The following MCTP2 variants were observed in gnomAD, a reference collection of about 807,000 sequenced individuals.
The protein encoded by MCTP2 is multiple C2 and transmembrane domain containing 2, also known as multiple C2 and transmembrane domain-containing protein 2.
MCTP2 carries 132 observed loss-of-function variants against 111.6 expected under a neutral mutation model. The observed-to-expected ratio is 1.18, with a 90% CI of 1.03 to 1.37. The LOEUF is 1.37. MCTP2 is among the 40% of genes most tolerant of loss of function. MCTP2 has a pLI of 0.00. For missense variants in MCTP2, 1,183 were observed against 1,067.9 expected (o/e 1.11, Z -1.50); for synonymous variants, 395 against 387.7 (o/e 1.02, Z -0.22).
intron 21 of MCTP2, among the ~76,000 whole-genome samples, chr15:94,476,105 GAGGA>G (rs1328191883): frequency 6.6e-6 from 1 of 152,192 alleles, no homozygotes; most frequent in African/African-American, 2.4e-5. Flanking sequence ...TCTGCTGTGA[GAGGA>G]GAGAAACCTG....
chr15:94,465,046 A>G (rs1438797344), intron 20 of MCTP2, among the ~76,000 whole-genome samples: 1 of 152,004 alleles, frequency 6.6e-6, no homozygotes, highest in Non-Finnish European at 1.5e-5. Context: ...GATGTGTTTA[A>G]ACTTCACTGT....
Position 94,298,740 on chromosome 15 carries a change from G to A in MCTP2, c.465+10G>A. On this transcript the variant is annotated intron_variant, in intron 2 of 22. Transcript: ENST00000357742. Reference sequence around the variant, plus strand: ...ACCAGAAGAGCCAGAGGTGAGAATAGGGCTGGGCTCTCTTTTTTTTTGTCT... The same window carrying A: ...ACCAGAAGAGCCAGAGGTGAGAATAAGGCTGGGCTCTCTTTTTTTTTGTCT... The A allele has an allele frequency of 2.6e-6, 4 of 1,538,640 alleles. No individual in the cohort carries two copies. Among genetic ancestry groups the A allele is most frequent in the Non-Finnish European group, 3.5e-6 (4 of 1,146,348 alleles).
chr15:94,390,086 A>ACACG (rs1567602728), intron 14 of MCTP2, among the ~76,000 whole-genome samples: 1 of 8,342 alleles, frequency 1.2e-4, no homozygotes, highest in African/African-American at 2.2e-4. Context: ...ATATATATAT[A>ACACG]TATGTATATA....
intron 18 of MCTP2, among the ~76,000 whole-genome samples, chr15:94,441,795 G>GT (rs556750623): frequency 7.0e-4 from 107 of 152,212 alleles, no homozygotes; most frequent in Admixed American, 1.7e-3. Context: ...CAATTATAGC[G>GT]TTTTTTCCTC....
chr15:94,245,023 C>T (rs1434819082), intron 1 of MCTP2, among the ~76,000 whole-genome samples: 2 of 147,000 alleles, frequency 1.4e-5, no homozygotes, highest in African/African-American at 2.5e-5. Context: ...CATACATATG[C>T]ACCTATGTTT....
chr15:94,376,137 A>G (rs898858660), intron 12 of MCTP2, among the ~76,000 whole-genome samples: 1 of 152,174 alleles, frequency 6.6e-6, no homozygotes, highest in Non-Finnish European at 1.5e-5. Flanking sequence ...ACCTTCTTCA[A>G]AATCAGGGGG....
chr15:94,344,461 TG>T (rs1230858606), intron 7 of MCTP2, among the ~76,000 whole-genome samples: 1 of 152,196 alleles, frequency 6.6e-6, no homozygotes, highest in African/African-American at 2.4e-5. Flanking sequence ...CAGTACTGAA[TG>T]GTGACAGGAG....
At chr15:94,407,149 A>G (rs2081942239) in intron 17 of MCTP2, among the ~76,000 whole-genome samples, 1 of 152,150 alleles carries the variant, frequency 6.6e-6, no homozygotes, top group Non-Finnish European at 1.5e-5. Flanking sequence ...CTTATATTTT[A>G]TAAACCCCAA....
intron 1 of MCTP2, among the ~76,000 whole-genome samples, chr15:94,272,287 G>A (rs2073946140): frequency 6.6e-6 from 1 of 152,132 alleles, no homozygotes; most frequent in Admixed American, 6.5e-5. Context: ...TTCTTCTAAG[G>A]TGATCAAGGA....
At chr15:94,243,471 G>T (rs1232351739) in intron 1 of MCTP2, among the ~76,000 whole-genome samples, 1 of 125,122 alleles carries the variant, frequency 8.0e-6, no homozygotes, top group Non-Finnish European at 1.7e-5. Flanking sequence ...ATGCGTATAT[G>T]CGTATGTACA....
At chr15:94,279,693 G>C (rs2074383752) in intron 1 of MCTP2, among the ~76,000 whole-genome samples, 1 of 152,064 alleles carries the variant, frequency 6.6e-6, no homozygotes, top group Non-Finnish European at 1.5e-5. Context: ...CCTTGTTCTG[G>C]TTCTCAAGGA....
At chr15:94,259,180 T>G (rs1376819550) in intron 1 of MCTP2, among the ~76,000 whole-genome samples, 2 of 152,126 alleles carry the variant, frequency 1.3e-5, no homozygotes, top group African/African-American at 4.8e-5. Flanking sequence ...AGGACCTGAA[T>G]AAAAACACAC....
Position 94,298,219 on chromosome 15 carries a change from G to T in MCTP2, c.-47G>T. 1.5e-6 allele frequency: 2 copies of T among 1,367,324 alleles called. No individual in the cohort carries two copies. The highest frequency in any genetic ancestry group is 1.4e-5 in the South Asian group (1 of 69,900). The allele number at this position is 1,367,324 out of a possible 1,614,324, so 84.7% of individuals were successfully genotyped here. On this transcript the variant is annotated 5_prime_UTR_variant, in exon 2 of 23. Coordinates refer to ENST00000357742, the MANE Select transcript of MCTP2 (RefSeq NM_001385001.1). Reference sequence around the variant, plus strand: ...TTTATAGGAGTCATTGCAGTTTTCAGTAGAGGTGTACTTCTGAGAAGTGGC... The same window carrying T: ...TTTATAGGAGTCATTGCAGTTTTCATTAGAGGTGTACTTCTGAGAAGTGGC...
chr15:94,354,516 G>A (rs1188188659), intron 8 of MCTP2, among the ~76,000 whole-genome samples: 1 of 152,116 alleles, frequency 6.6e-6, no homozygotes, highest in East Asian at 1.9e-4. Flanking sequence ...TGAAGAAGGT[G>A]CCTTGCTTCC....
chr15:94,347,246 G>C (rs1374791241), intron 8 of MCTP2, among the ~76,000 whole-genome samples: 1 of 152,022 alleles, frequency 6.6e-6, no homozygotes, highest in African/African-American at 2.4e-5. Context: ...AAATACCCTG[G>C]TCGGCCTATT....
At chr15:94,419,901 A>G (rs1243500596) in intron 17 of MCTP2, among the ~76,000 whole-genome samples, 2 of 152,170 alleles carry the variant, frequency 1.3e-5, no homozygotes, top group African/African-American at 2.4e-5. Flanking sequence ...CAGATTTTCA[A>G]TGTAGAAGAA....
chr15:94,238,288 G>A (rs1029146353), intron 1 of MCTP2, among the ~76,000 whole-genome samples: 3 of 152,192 alleles, frequency 2.0e-5, no homozygotes, highest in South Asian at 2.1e-4. Context: ...GAGGTAAAAC[G>A]TTTATCATAT....
chr15:94,356,005 A>T (rs2078601398), intron 8 of MCTP2, 132 bp from the exon 9 acceptor site: 1 of 1,359,592 alleles, frequency 7.4e-7, no homozygotes, highest in African/African-American at 1.5e-5. Context: ...ACCAATGAAA[A>T]AAACAGTTTT....
chr15:94,340,576 T>G (rs1193651335), intron 6 of MCTP2, among the ~76,000 whole-genome samples: 4 of 152,174 alleles, frequency 2.6e-5, no homozygotes, highest in Non-Finnish European at 5.9e-5. Flanking sequence ...AGTGTTTACA[T>G]TTTATTTGAG....
Sources: gnomAD v4.1 joint callset for allele counts (sites outside exome capture counted in the v4.1 genomes callset) on GRCh38, gnomAD v4.1.1 for gene constraint, MANE v1.5 for transcripts, NCBI Gene and HGNC (gene_info 2026-07-23, HGNC 2026-07-21) for gene names.